NT5E: variants seen among roughly 807,000 people sequenced by gnomAD.
NT5E encodes the protein 5'-nucleotidase ecto, also known as 5'-nucleotidase.
NT5E carries 53 observed loss-of-function variants against 55.1 expected under a neutral mutation model. The observed-to-expected ratio is 0.96, with a 90% CI of 0.77 to 1.21. NT5E has a LOEUF of 1.21. NT5E is among the 50% of genes most tolerant of loss of function. The pLI is 0.00. For missense variants in NT5E, 683 were observed against 724.3 expected, an observed-to-expected ratio of 0.94 and a Z score of 0.65; for synonymous variants, 270 against 278.4, an observed-to-expected ratio of 0.97 and a Z score of 0.30.
intron 7 of NT5E, chr6:85,491,143 G>T (rs780356016): frequency 5.8e-6 from 3 of 520,938 alleles, no homozygotes; most frequent in South Asian, 2.9e-5. Flanking sequence ...TGTGACCTGG[G>T]GCAAGTTCTC....
rs567848544 is a variant in NT5E, at chr6:85,481,986, G to C, written c.752-3249G>C. On this transcript the variant is annotated intron_variant, in intron 3 of 8. Transcript: ENST00000257770. The stretch of plus-strand genomic sequence containing the variant: ...AGCTTGCTTGAGGAAGTGTAGAGAA[G>C]TAGACAGATAAAAGGAGCATCCAAG... 7.2e-5 allele frequency among the ~76,000 whole-genome samples: 11 copies of C among 152,290 alleles called. No individual in the cohort carries two copies. The South Asian group carries it at 2.3e-3, about 32-fold the overall frequency.
Position 85,469,640 on chromosome 6 carries a change from G to T in NT5E, c.563-1597G>T, listed in dbSNP as rs181185980. Among the ~76,000 whole-genome samples the T allele has an allele frequency of 3.3e-5, 5 of 152,312 alleles. No individual in the cohort carries two copies. In the East Asian group the frequency reaches 9.6e-4, roughly 29 times the overall value. ...ACTGAGGGTCAACGGGGAGCCCTGG[G>T]CTTCTTGGGGCAACCAACAGGAAGC... On this transcript the variant is annotated intron_variant, in intron 2 of 8. Coordinates refer to ENST00000257770, the MANE Select transcript of NT5E (RefSeq NM_002526.4).
intron 2 of NT5E, among the ~76,000 whole-genome samples, chr6:85,468,963 G>A (rs1187957384): frequency 2.6e-5 from 4 of 152,096 alleles, no homozygotes; most frequent in Non-Finnish European, 4.4e-5. Context: ...GGGATGGGGT[G>A]GAATAGAATG....
At position 85,471,306 on chromosome 6, in the gene NT5E, A is replaced by C; in HGVS notation, c.632A>C (p.Asn211Thr). Residue 211 changes from asparagine to threonine, a missense_variant, in exon 3 of 9, where the codon AAT becomes ACT. By Grantham distance (65) the Asn-to-Thr change is moderately conservative (BLOSUM62 0). Coordinates refer to ENST00000257770, the MANE Select transcript of NT5E (RefSeq NM_002526.4). ...GAAGTAGATAAGTTAAAAACTCTAA[A>C]TGTGAACAAAATTATTGCACTGGGA... ...QPEVDKLKTL[N>T]VNKIIALGHS... is the part of the protein sequence containing the mutation. The C allele has an allele frequency of 6.2e-7, 1 of 1,613,064 alleles. No homozygotes were observed. The highest frequency in any genetic ancestry group is 8.5e-7 in the Non-Finnish European group (1 of 1,179,202).
At chr6:85,472,390 A>G (rs780201840) in intron 3 of NT5E, among the ~76,000 whole-genome samples, 2 of 152,208 alleles carry the variant, frequency 1.3e-5, no homozygotes, top group African/African-American at 4.8e-5. Context: ...AGTAATTTTT[A>G]TTTTCTTTCT....
chr6:85,451,929 C>T (rs1214220896), intron 1 of NT5E, among the ~76,000 whole-genome samples: 1 of 152,220 alleles, frequency 6.6e-6, no homozygotes, highest in East Asian at 1.9e-4. Context: ...GGGGAGAAAG[C>T]TCCCTCCGTT....
intron 5 of NT5E, among the ~76,000 whole-genome samples, chr6:85,488,538 A>G (rs1769714789): frequency 6.6e-6 from 1 of 152,156 alleles, no homozygotes; most frequent in Non-Finnish European, 1.5e-5. Context: ...AGGCTAGGAC[A>G]AAGGAGAGCT....
chr6:85,459,304 A>T (rs944133941), intron 1 of NT5E, among the ~76,000 whole-genome samples: 4 of 152,180 alleles, frequency 2.6e-5, no homozygotes, highest in African/African-American at 7.2e-5. Context: ...GCTTCCTGCA[A>T]CCTCAGCCCT....
At chr6:85,485,873 T>C (rs1183258887) in intron 4 of NT5E, among the ~76,000 whole-genome samples, 1 of 152,194 alleles carries the variant, frequency 6.6e-6, no homozygotes, top group African/African-American at 2.4e-5. Context: ...ACCTTATTTA[T>C]ATGTCTGAGT....
chr6:85,468,308 G>A (rs956762815), intron 2 of NT5E, among the ~76,000 whole-genome samples: 1 of 152,170 alleles, frequency 6.6e-6, no homozygotes, highest in Non-Finnish European at 1.5e-5. Context: ...AGGGTGGAGC[G>A]GCTGGGGCTG....
intron 1 of NT5E, among the ~76,000 whole-genome samples, chr6:85,463,060 T>C (rs1769124610): frequency 6.6e-6 from 1 of 152,224 alleles, no homozygotes; most frequent in African/African-American, 2.4e-5. Flanking sequence ...TTCTTTCATA[T>C]AAGATCATCA....
At chr6:85,453,600 G>A (rs1768933261) in intron 1 of NT5E, among the ~76,000 whole-genome samples, 1 of 152,222 alleles carries the variant, frequency 6.6e-6, no homozygotes, top group South Asian at 2.1e-4. Context: ...CACCAAGACA[G>A]GCTGTGGGGA....
intron 1 of NT5E, among the ~76,000 whole-genome samples, chr6:85,465,295 T>G (rs893089645): frequency 3.3e-5 from 5 of 152,342 alleles, no homozygotes; most frequent in African/African-American, 7.2e-5. Flanking sequence ...ATGTTGCTGT[T>G]AAACTGCAAG....
intron 1 of NT5E, among the ~76,000 whole-genome samples, chr6:85,464,067 A>ATTTTTTTTTTTTTTTTT (rs67527174): frequency 1.0e-5 from 1 of 98,454 alleles, no homozygotes; most frequent in African/African-American, 3.9e-5. Flanking sequence ...GTAGTTAGGA[A>ATTTTTTTTTTTTTTTTT]TTTTTTTTTT....
At chr6:85,476,664 C>T (rs1769443920) in intron 3 of NT5E, among the ~76,000 whole-genome samples, 1 of 152,142 alleles carries the variant, frequency 6.6e-6, no homozygotes, top group Admixed American at 6.5e-5. Context: ...ATGTGGAGAA[C>T]TTTATTGCTG....
chr6:85,493,279 A>G, intron 8 of NT5E, among the ~76,000 whole-genome samples: 1 of 152,250 alleles, frequency 6.6e-6, no homozygotes, highest in East Asian at 1.9e-4. Context: ...CAGAGGTGAA[A>G]ACCACTGAAG....
intron 1 of NT5E, among the ~76,000 whole-genome samples, chr6:85,456,693 G>A (rs1298929376): frequency 2.6e-5 from 4 of 152,206 alleles, no homozygotes; most frequent in Non-Finnish European, 5.9e-5. Flanking sequence ...CCAGGCAGCA[G>A]TCCAAGTGTG....
intron 1 of NT5E, among the ~76,000 whole-genome samples, chr6:85,459,681 T>G (rs1582369819): frequency 6.6e-6 from 1 of 152,226 alleles, no homozygotes; most frequent in African/African-American, 2.4e-5. Flanking sequence ...CAAAGGAGAT[T>G]TTATTCTTCT....
chr6:85,477,482 A>G (rs1035310715), intron 3 of NT5E, among the ~76,000 whole-genome samples: 1 of 152,188 alleles, frequency 6.6e-6, no homozygotes, highest in Admixed American at 6.5e-5. Context: ...GGAGCTTGCA[A>G]TATAATTATA....
Sources: allele counts gnomAD v4.1 joint callset (sites outside exome capture counted in the v4.1 genomes callset), GRCh38; gene constraint gnomAD v4.1.1; transcripts MANE v1.5; gene names NCBI Gene and HGNC (gene_info 2026-07-23, HGNC 2026-07-21).